Variants in PDE4B observed in about 807,000 individuals in gnomAD.
The protein encoded by PDE4B is phosphodiesterase 4B.
A neutral mutation model predicts 82.2 loss-of-function variants in PDE4B; 20 were observed. The observed-to-expected ratio is 0.24, with a 90% CI of 0.17 to 0.35. The LOEUF (loss-of-function observed/expected upper bound fraction) is 0.35. Among genes scored for constraint, PDE4B ranks in the 10% least tolerant of loss-of-function variants. The pLI is 1.00. For missense variants in PDE4B, 655 were observed against 907.2 expected (o/e 0.72, Z 3.57); for synonymous variants, 320 against 318.9 (o/e 1.00, Z -0.04).
At chr1:66,302,782 T>C (rs1250153118) in intron 7 of PDE4B, among the ~76,000 whole-genome samples, 2 of 152,168 alleles carry the variant, frequency 1.3e-5, no homozygotes, top group African/African-American at 2.4e-5. Flanking sequence ...CTATAAGGCT[T>C]TTTGGCTATG....
chr1:66,302,100 A>G (rs956233388), intron 7 of PDE4B, among the ~76,000 whole-genome samples: 4 of 152,200 alleles, frequency 2.6e-5, no homozygotes, highest in African/African-American at 9.6e-5. Flanking sequence ...CTGCTTCGAA[A>G]TTGCAGTGCT....
chr1:66,003,464 A>G (rs982702611), intron 3 of PDE4B, among the ~76,000 whole-genome samples: 1 of 152,218 alleles, frequency 6.6e-6, no homozygotes, highest in Non-Finnish European at 1.5e-5. Flanking sequence ...ACAAAGCAAA[A>G]CATAAGAAGA....
In PDE4B at chr1:66,329,968, A is replaced by C. The variant is rs149680017; in HGVS notation, c.635-2540A>C. Among the ~76,000 whole-genome samples, 483 of 152,226 alleles carry C rather than the reference A, an allele frequency of 3.2e-3. 1 individual carries two copies. The highest frequency in any genetic ancestry group is 0.011 in the African/African-American group (460 of 41,528). ...TATCTCCTAGGTGCTAAAACTACAA[A>C]GTTATATCAGGGAGGCCAGTCCTGC... is the stretch of plus-strand genomic sequence containing the variant. On this transcript the variant is annotated intron_variant, in intron 7 of 16. Transcript: ENST00000341517.
chr1:66,013,607 A>G (rs771746104), intron 3 of PDE4B, among the ~76,000 whole-genome samples: 5 of 152,084 alleles, frequency 3.3e-5, no homozygotes, highest in Non-Finnish European at 7.4e-5. Flanking sequence ...TTCAAAACTA[A>G]AAGTCTATAC....
At chr1:65,797,072 C>G (rs945497380) in intron 1 of PDE4B, among the ~76,000 whole-genome samples, 1 of 151,948 alleles carries the variant, frequency 6.6e-6, no homozygotes, top group Non-Finnish European at 1.5e-5. Flanking sequence ...CTGGCCTCAG[C>G]CTTCTGAGTG....
In PDE4B at chr1:65,870,079, C is replaced by G. The variant is rs149947236; in HGVS notation, c.-70-43166C>G. Among the ~76,000 whole-genome samples the G allele has an allele frequency of 4.4e-3, 673 of 152,230 alleles. 4 individuals carry two copies. Among genetic ancestry groups the G allele is most frequent in the African/African-American group, 0.015 (638 of 41,542 alleles). On this transcript the variant is annotated intron_variant, in intron 1 of 16. Transcript: ENST00000341517. The stretch of plus-strand genomic sequence containing the variant: ...ATTTTTTCCATTCAATGCTCACTTA[C>G]TTTCTCCATTTTTTACAGTATCTTG...
At chr1:66,124,528 A>T (rs1645779093) in intron 3 of PDE4B, among the ~76,000 whole-genome samples, 1 of 152,176 alleles carries the variant, frequency 6.6e-6, no homozygotes, top group Non-Finnish European at 1.5e-5. Flanking sequence ...AGTTGATTTG[A>T]TGGGGAAACT....
chr1:66,010,147 C>T (rs1401859057), intron 3 of PDE4B, among the ~76,000 whole-genome samples: 2 of 151,952 alleles, frequency 1.3e-5, no homozygotes, highest in Non-Finnish European at 1.5e-5. Context: ...AAATGAGTTG[C>T]AGACTGTTTG....
intron 8 of PDE4B, among the ~76,000 whole-genome samples, chr1:66,353,186 G>T (rs904703428): frequency 6.6e-6 from 1 of 152,118 alleles, no homozygotes; most frequent in Non-Finnish European, 1.5e-5. Flanking sequence ...TTGCACAGAG[G>T]TTCAATAAGT....
rs548429587 is a variant in PDE4B at position 66,219,635 on chromosome 1, A to G, written c.282-27825A>G. Among the ~76,000 whole-genome samples, 15 of 152,274 alleles carry G rather than the reference A, an allele frequency of 9.9e-5. No individual in the cohort carries two copies. The East Asian group carries it at 2.7e-3, about 27-fold the overall frequency. On this transcript the variant is annotated intron_variant, in intron 3 of 16. Coordinates refer to ENST00000341517, the MANE Select transcript of PDE4B (RefSeq NM_002600.4). The stretch of plus-strand genomic sequence containing the variant: ...GTTTTAATGATGGCTGGGTTGGGCA[A>G]TGACATGTGAAGAGGTGTCACTTCA...
At position 66,151,795 on chromosome 1, in the gene PDE4B, G is replaced by A. The variant is rs1265524920; in HGVS notation, c.282-95665G>A. ...ATCTCTTTATTTCCGATCTTCCAGA[G>A]TGCCTGTCACATAGTAGACACTCAA... On this transcript the variant is annotated intron_variant, in intron 3 of 16. Coordinates refer to ENST00000341517, the MANE Select transcript of PDE4B (RefSeq NM_002600.4). 3.9e-5 allele frequency among the ~76,000 whole-genome samples: 6 copies of A among 152,290 alleles called. No individual in the cohort carries two copies. In the East Asian group the frequency reaches 1.2e-3, roughly 29 times the overall value.
chr1:65,841,580 G>A (rs1242976417), intron 1 of PDE4B, among the ~76,000 whole-genome samples: 1 of 151,998 alleles, frequency 6.6e-6, no homozygotes, highest in African/African-American at 2.4e-5. Context: ...GTCATCTAAG[G>A]CTTCAAGGGA....
chr1:65,924,340 C>T (rs1647383828), intron 3 of PDE4B, among the ~76,000 whole-genome samples: 1 of 151,422 alleles, frequency 6.6e-6, no homozygotes, highest in South Asian at 2.1e-4. Context: ...TCCCAAAGTG[C>T]TGGGATTACA....
intron 8 of PDE4B, among the ~76,000 whole-genome samples, chr1:66,338,245 T>A (rs561239383): frequency 6.1e-4 from 93 of 152,326 alleles, no homozygotes; most frequent in African/African-American, 2.2e-3. Context: ...TCATATCCAG[T>A]CCATCTGACT....
intron 2 of PDE4B, among the ~76,000 whole-genome samples, chr1:65,914,760 T>C (rs1034828344): frequency 6.6e-6 from 1 of 152,102 alleles, no homozygotes; most frequent in African/African-American, 2.4e-5. Flanking sequence ...ATAATCCTGA[T>C]CCTCCCTGAG....
At chr1:66,052,614 A>C (rs1398217957) in intron 3 of PDE4B, among the ~76,000 whole-genome samples, 1 of 144,910 alleles carries the variant, frequency 6.9e-6, no homozygotes, top group Non-Finnish European at 1.5e-5. Flanking sequence ...TCTTTAACCT[A>C]ATTTGCTTCC....
chr1:65,859,812 A>G (rs1041620597), intron 1 of PDE4B, among the ~76,000 whole-genome samples: 1 of 152,196 alleles, frequency 6.6e-6, no homozygotes, highest in African/African-American at 2.4e-5. Context: ...ATGAAGTTAA[A>G]TTAATTGCTT....
At chr1:65,961,989 A>G (rs1472291570) in intron 3 of PDE4B, among the ~76,000 whole-genome samples, 2 of 152,180 alleles carry the variant, frequency 1.3e-5, no homozygotes, top group African/African-American at 2.4e-5. Flanking sequence ...TTACAACCTG[A>G]TAAACCCATT....
At chr1:66,161,158 A>G (rs1005750972) in intron 3 of PDE4B, among the ~76,000 whole-genome samples, 2 of 152,168 alleles carry the variant, frequency 1.3e-5, no homozygotes, top group Non-Finnish European at 2.9e-5. Context: ...CAAATTGGGC[A>G]TCTAACAACT....
Sources: allele counts gnomAD v4.1 joint callset (sites outside exome capture counted in the v4.1 genomes callset), GRCh38; gene constraint gnomAD v4.1.1; transcripts MANE v1.5; gene names NCBI Gene and HGNC (gene_info 2026-07-23, HGNC 2026-07-21).